VMA12: variants seen among roughly 807,000 people sequenced by gnomAD.
VMA12 encodes the protein vacuolar ATPase assembly factor VMA12, also known as vacuolar ATPase assembly protein VMA12.
At chr17:28,359,345 A>G in the VMA12 span, 1 of 1,614,088 alleles carries the variant, frequency 6.2e-7, no homozygotes, top group Non-Finnish European at 8.5e-7. Flanking sequence ...GCTGGAGAAG[A>G]TTAAGATACA....
the VMA12 span, chr17:28,360,710 T>C: frequency 6.2e-7 from 1 of 1,609,210 alleles, no homozygotes; most frequent in African/African-American, 1.3e-5. Flanking sequence ...GAACTAAAGG[T>C]GCCCTCTCTG....
the VMA12 span, chr17:28,359,470 A>G: frequency 1.6e-5 from 24 of 1,478,214 alleles, no homozygotes; most frequent in Non-Finnish European, 2.3e-5. Context: ...CAGTGGAAGA[A>G]GATACAGAGT....
the VMA12 span, chr17:28,357,751 C>G: frequency 1.2e-6 from 2 of 1,613,482 alleles, no homozygotes; most frequent in Non-Finnish European, 1.7e-6. Context: ...AGCGGCTACC[C>G]CGAAAGCTGC....
the VMA12 span, chr17:28,360,452 G>C: frequency 7.4e-6 from 9 of 1,216,758 alleles, no homozygotes; most frequent in East Asian, 2.3e-4. Context: ...GGGGAATAGA[G>C]AGGGCTGAGC....
chr17:28,360,511 T>C, the VMA12 span: 2 of 1,613,654 alleles, frequency 1.2e-6, no homozygotes, highest in African/African-American at 1.3e-5. Context: ...TGAATCATCT[T>C]CTTTTTCTTT....
chr17:28,360,455 G>A, the VMA12 span: 1 of 1,244,672 alleles, frequency 8.0e-7, no homozygotes, highest in Non-Finnish European at 1.1e-6. Flanking sequence ...GAATAGAGAG[G>A]GCTGAGCCAG....
At chr17:28,359,282 TATC>T in the VMA12 span, 1 of 1,609,640 alleles carries the variant, frequency 6.2e-7, no homozygotes, top group Non-Finnish European at 8.5e-7. Flanking sequence ...AAGCTGGGAA[TATC>T]ATTCTTCTCA....
chr17:28,363,162 C>T, the VMA12 span: 1 of 152,248 alleles, frequency 6.6e-6, no homozygotes, highest in Non-Finnish European at 1.5e-5. Context: ...GCCACAGTTA[C>T]ATCGCAAAGT....
the VMA12 span, chr17:28,357,879 G>A: frequency 1.2e-5 from 20 of 1,613,752 alleles, no homozygotes; most frequent in African/African-American, 2.7e-5. Flanking sequence ...CTGAGAGAAA[G>A]GGGTGAGCCC....
At chr17:28,358,404 T>A in the VMA12 span, 1 of 472,208 alleles carries the variant, frequency 2.1e-6, no homozygotes, top group Non-Finnish European at 4.4e-6. Context: ...AGGAGTCATT[T>A]CTCCTCGCTG....
chr17:28,360,193 A>C, the VMA12 span: 1 of 225,406 alleles, frequency 4.4e-6, no homozygotes, highest in Non-Finnish European at 9.0e-6. Flanking sequence ...TCCCAGCCTC[A>C]AGGTGATCCT....
the VMA12 span, chr17:28,359,014 A>C: frequency 6.3e-7 from 1 of 1,584,896 alleles, no homozygotes. Flanking sequence ...TGTTTGTGAG[A>C]GTGGTTATTG....
the VMA12 span, chr17:28,360,609 C>A: frequency 6.2e-7 from 1 of 1,613,468 alleles, no homozygotes; most frequent in South Asian, 1.1e-5. Flanking sequence ...AAACCTTTTC[C>A]TGAGATGGGT....
At chr17:28,359,098 C>T in the VMA12 span, 7 of 1,148,606 alleles carry the variant, frequency 6.1e-6, no homozygotes, top group African/African-American at 1.6e-5. Flanking sequence ...TTTTTGAAAT[C>T]TTTGGGATCT....
At chr17:28,360,471 C>A in the VMA12 span, 42 of 1,527,250 alleles carry the variant, frequency 2.8e-5, 1 homozygote, top group African/African-American at 5.5e-4. Flanking sequence ...GCCAGACTGT[C>A]AATGGATGCT....
the VMA12 span, chr17:28,360,888 G>A: frequency 6.5e-7 from 1 of 1,533,600 alleles, no homozygotes; most frequent in South Asian, 1.1e-5. Flanking sequence ...CCTGGTGGGG[G>A]TGTTAGTGGG....
At chr17:28,362,721 C>T in the VMA12 span, 3 of 152,214 alleles carry the variant, frequency 2.0e-5, no homozygotes, top group Non-Finnish European at 4.4e-5. Flanking sequence ...TCACTTGAGC[C>T]TGGGAGGCAG....
chr17:28,358,217 C>G, the VMA12 span: 1 of 407,128 alleles, frequency 2.5e-6, no homozygotes, highest in South Asian at 2.0e-5. Flanking sequence ...ATCAGCTTAG[C>G]ATAGTGAGCT....
the VMA12 span, chr17:28,357,986 A>G: frequency 8.1e-7 from 1 of 1,234,818 alleles, no homozygotes; most frequent in Non-Finnish European, 1.1e-6. Flanking sequence ...ACTCATCTAG[A>G]CAAGTCAAGA....
Sources: allele counts gnomAD v4.1 joint callset, GRCh38; gene constraint gnomAD v4.1.1; transcripts MANE v1.5; gene names NCBI Gene and HGNC (gene_info 2026-07-23, HGNC 2026-07-21).